EXOC4: variants seen among roughly 807,000 people sequenced by gnomAD.
EXOC4 encodes the protein exocyst complex component 4, also known as SEC8-like 1.
EXOC4 carries 71 observed loss-of-function variants against 107.2 expected under a neutral mutation model. The ratio of observed to expected loss-of-function variants is 0.66; its 90% CI spans 0.55 to 0.81. EXOC4 has a LOEUF of 0.81. Among genes scored for constraint, EXOC4 ranks in the 30% least tolerant of loss-of-function variants. The pLI, the probability that EXOC4 is intolerant of heterozygous loss-of-function variation, is 0.00. For synonymous variants in EXOC4, 456 were observed against 441.2 expected, an observed-to-expected ratio of 1.03 and a Z score of -0.42; for missense variants, 1,108 against 1,189.6, an observed-to-expected ratio of 0.93 and a Z score of 1.01.
At chr7:133,818,587 G>T (rs1391932163) in intron 11 of EXOC4, among the ~76,000 whole-genome samples, 1 of 152,132 alleles carries the variant, frequency 6.6e-6, no homozygotes, top group Non-Finnish European at 1.5e-5. Flanking sequence ...CATTTGGATG[G>T]TCTGGGTCTC....
At chr7:133,656,431 G>A (rs984070301) in intron 10 of EXOC4, among the ~76,000 whole-genome samples, 4 of 152,076 alleles carry the variant, frequency 2.6e-5, no homozygotes, top group African/African-American at 9.7e-5. Flanking sequence ...CTGGAACAGT[G>A]AGAATCACTA....
intron 2 of EXOC4, among the ~76,000 whole-genome samples, chr7:133,286,564 A>T (rs1026157894): frequency 6.6e-6 from 1 of 152,280 alleles, no homozygotes; most frequent in East Asian, 1.9e-4. Flanking sequence ...GAAGCTCAGA[A>T]CATGTTATGG....
chr7:133,618,079 A>T (rs775231763), intron 9 of EXOC4, among the ~76,000 whole-genome samples: 2 of 152,146 alleles, frequency 1.3e-5, no homozygotes, highest in South Asian at 2.1e-4. Context: ...ACTTCCAATA[A>T]TGTAATTATC....
At chr7:134,050,385 G>A (rs1026100827) in intron 17 of EXOC4, among the ~76,000 whole-genome samples, 1 of 152,146 alleles carries the variant, frequency 6.6e-6, no homozygotes. Flanking sequence ...TGAGGAAACT[G>A]AAGGCTTACA....
chr7:134,030,861 T>C (rs1257714251), intron 17 of EXOC4, among the ~76,000 whole-genome samples: 1 of 152,082 alleles, frequency 6.6e-6, no homozygotes, highest in Non-Finnish European at 1.5e-5. Context: ...AAATTTTCTT[T>C]TGAAGCTTTT....
At chr7:133,273,219 G>A (rs1447873088) in intron 1 of EXOC4, among the ~76,000 whole-genome samples, 3 of 152,190 alleles carry the variant, frequency 2.0e-5, no homozygotes, top group African/African-American at 7.2e-5. Flanking sequence ...AAGAAGACAT[G>A]ATACATGCTA....
In EXOC4 at chr7:133,299,547, G is replaced by A. The variant is rs1008937641; in HGVS notation, c.472-6330G>A. 1.3e-4 allele frequency among the ~76,000 whole-genome samples: 20 copies of A among 152,250 alleles called. No homozygotes were observed. In the South Asian group the frequency reaches 1.9e-3, roughly 14 times the overall value. On this transcript the variant is annotated intron_variant, in intron 3 of 17. Coordinates refer to ENST00000253861, the MANE Select transcript of EXOC4 (RefSeq NM_021807.4). The stretch of plus-strand genomic sequence containing the variant: ...ATGCTTAAGAATAGCTTAATAAAAT[G>A]GTATGCTTTTAGAACAAGTCCGCAT...
At chr7:133,453,990 G>T (rs1464021392) in intron 7 of EXOC4, among the ~76,000 whole-genome samples, 1 of 152,112 alleles carries the variant, frequency 6.6e-6, no homozygotes, top group African/African-American at 2.4e-5. Flanking sequence ...TTGCTTCCTA[G>T]TTGAGATCAA....
chr7:133,259,527 C>A (rs1292335546), intron 1 of EXOC4, among the ~76,000 whole-genome samples: 6 of 151,896 alleles, frequency 4.0e-5, no homozygotes, highest in Non-Finnish European at 8.8e-5. Flanking sequence ...GTCCCCGGCC[C>A]ACTTGTATTT....
intron 9 of EXOC4, among the ~76,000 whole-genome samples, chr7:133,502,221 CA>C (rs1180352002): frequency 6.7e-6 from 1 of 149,818 alleles, no homozygotes; most frequent in Non-Finnish European, 1.5e-5. Flanking sequence ...GCTATTAAGA[CA>C]ATGGGAAATT....
chr7:133,561,536 T>C (rs1800804051), intron 9 of EXOC4, among the ~76,000 whole-genome samples: 1 of 152,228 alleles, frequency 6.6e-6, no homozygotes, highest in Admixed American at 6.5e-5. Context: ...TATTTCTTGA[T>C]TGCCTAAGAC....
At chr7:133,418,292 C>G (rs1246460069) in intron 7 of EXOC4, among the ~76,000 whole-genome samples, 3 of 152,198 alleles carry the variant, frequency 2.0e-5, no homozygotes, top group Admixed American at 2.0e-4. Flanking sequence ...CTTGCCTCAT[C>G]TGAATGTGAA....
intron 11 of EXOC4, among the ~76,000 whole-genome samples, chr7:133,840,973 C>T (rs1441308857): frequency 3.9e-5 from 6 of 152,142 alleles, no homozygotes; most frequent in Non-Finnish European, 8.8e-5. Context: ...TTGTCATAGG[C>T]CATTCGGGCT....
intron 10 of EXOC4, among the ~76,000 whole-genome samples, chr7:133,753,321 G>A (rs1051411721): frequency 5.3e-5 from 8 of 152,194 alleles, no homozygotes; most frequent in Admixed American, 5.2e-4. Context: ...TGTGGTCTCA[G>A]TGAGGCAGGA....
intron 11 of EXOC4, among the ~76,000 whole-genome samples, chr7:133,886,786 A>T (rs1020967510): frequency 6.6e-6 from 1 of 152,264 alleles, no homozygotes; most frequent in Non-Finnish European, 1.5e-5. Context: ...TCAAATAAAT[A>T]AAAACAGGAT....
rs750982913 is a variant in EXOC4, at chr7:133,356,505, G to A, written c.939G>A (p.Arg313=). 6.2e-7 allele frequency: 1 copy of A among 1,614,092 alleles called. No individual in the cohort carries two copies. The highest frequency in any genetic ancestry group is 8.5e-7 in the Non-Finnish European group (1 of 1,179,986). Residue 313 remains arginine, a synonymous_variant, in exon 6 of 18, where the codon AGG becomes AGA. Transcript: ENST00000253861. The part of the protein sequence containing the change: ...LEQELKQIVK[R]STTQVADSGY... ...AGGAGTTGAAGCAAATTGTGAAGAG[G>A]TCTACAACCCAGGTGGCAGACAGTG...
chr7:133,360,259 T>C (rs917717649), intron 6 of EXOC4, among the ~76,000 whole-genome samples: 1 of 152,106 alleles, frequency 6.6e-6, no homozygotes, highest in African/African-American at 2.4e-5. Context: ...ACTTAACAAA[T>C]AAGAAAAGCA....
chr7:133,974,929 T>G (rs1793791835), intron 14 of EXOC4, among the ~76,000 whole-genome samples: 1 of 152,214 alleles, frequency 6.6e-6, no homozygotes, highest in Non-Finnish European at 1.5e-5. Flanking sequence ...ACATCTTTGC[T>G]CTGTGTATAA....
At chr7:133,414,783 C>A (rs1797437304) in intron 7 of EXOC4, among the ~76,000 whole-genome samples, 1 of 151,978 alleles carries the variant, frequency 6.6e-6, no homozygotes, top group Non-Finnish European at 1.5e-5. Flanking sequence ...AGTTTGATAC[C>A]ATACAGTTTA....
Sources: gnomAD v4.1 joint callset for allele counts (sites outside exome capture counted in the v4.1 genomes callset) on GRCh38, gnomAD v4.1.1 for gene constraint, MANE v1.5 for transcripts, NCBI Gene and HGNC (gene_info 2026-07-23, HGNC 2026-07-21) for gene names.